Variants in SEPTIN3 observed in about 807,000 individuals in gnomAD.
SEPTIN3 encodes the protein neuronal-specific septin-3.
In SEPTIN3, 15 loss-of-function variants were observed where a neutral mutation model predicts 45.1. That is an observed-to-expected ratio of 0.33 (90% confidence interval 0.22 to 0.51). The LOEUF (loss-of-function observed/expected upper bound fraction) is 0.51, where lower values mean the gene tolerates loss of function less well. Ranked by LOEUF, SEPTIN3 falls within the 20% of genes least tolerant of loss-of-function variation. The pLI is 0.97. For missense variants in SEPTIN3, 289 were observed against 457.2 expected, an observed-to-expected ratio of 0.63 and a Z score of 3.35; for synonymous variants, 148 against 164.8, an observed-to-expected ratio of 0.90 and a Z score of 0.78.
intron 9 of SEPTIN3, 54 bp downstream of exon 9, chr22:41,992,817 C>T: frequency 3.3e-6 from 4 of 1,212,910 alleles, no homozygotes; most frequent in Non-Finnish European, 4.8e-6. Context: ...ATCCAGTCAC[C>T]ATTTATTAAG....
At chr22:41,987,057 T>C in intron 4 of SEPTIN3, 149 bp from the exon 5 acceptor site, 1 of 573,606 alleles carries the variant, frequency 1.7e-6, no homozygotes, top group Non-Finnish European at 3.1e-6. Context: ...GCATAAGCCA[T>C]GATATCGAGA....
At chr22:41,986,245 A>G in intron 4 of SEPTIN3, 133 bp downstream of exon 4, 1 of 1,049,356 alleles carries the variant, frequency 9.5e-7, no homozygotes, top group Non-Finnish European at 1.3e-6. Context: ...TGAGCACTTC[A>G]CTCTGAAGCA....
Position 41,969,464 on chromosome 22 carries a change from TC to T in SEPTIN3, c.-231del, listed in dbSNP as rs2077935309. On this transcript the variant is annotated 5_prime_UTR_variant, in exon 1 of 12. Transcript: ENST00000644076. ...CACCAGAGCCCAGCCCAGCACGGTCTCCGGGGATGTAGCTGGTGGGACAGTG... is the reference window on the plus strand; with the variant it reads ...CACCAGAGCCCAGCCCAGCACGGTCTCGGGGATGTAGCTGGTGGGACAGTG... 6.6e-6 allele frequency: 1 copy of T among 152,070 alleles called. No individual in the cohort carries two copies. Among genetic ancestry groups the T allele is most frequent in the Non-Finnish European group, 1.5e-5 (1 of 68,144 alleles). The allele number at this position is 152,070 out of a possible 1,614,324, so 9.4% of individuals were successfully genotyped here. A position where few individuals can be genotyped will look rare whatever the true frequency, so the allele number is the denominator to read the frequency against.
At chr22:41,985,283 G>A (rs1220503863) in intron 3 of SEPTIN3, among the ~76,000 whole-genome samples, 1 of 152,218 alleles carries the variant, frequency 6.6e-6, no homozygotes, top group African/African-American at 2.4e-5. Context: ...CAGGGGCCCT[G>A]CCTGCCCAGC....
chr22:41,990,334 G>A (rs1446912180), intron 7 of SEPTIN3, among the ~76,000 whole-genome samples: 3 of 151,700 alleles, frequency 2.0e-5, no homozygotes, highest in Non-Finnish European at 2.9e-5. Flanking sequence ...GATTACAGGC[G>A]TGAGCCACCG....
intron 11 of SEPTIN3, 41 bp from the exon 12 acceptor site, chr22:41,996,861 G>T (rs1235210701): frequency 8.7e-6 from 14 of 1,611,610 alleles, no homozygotes; most frequent in Non-Finnish European, 1.2e-5. Context: ...GCTGCCAGCT[G>T]CTGGTCTCCA....
intron 2 of SEPTIN3, among the ~76,000 whole-genome samples, chr22:41,974,633 A>C (rs1419347493): frequency 1.3e-5 from 2 of 150,158 alleles, no homozygotes; most frequent in Non-Finnish European, 3.0e-5. Flanking sequence ...ACTGCAATCC[A>C]GCCTGGGTGA....
At chr22:41,992,792 G>GATCAGCAACCA in intron 9 of SEPTIN3, 29 bp downstream of exon 9, 1 of 1,449,314 alleles carries the variant, frequency 6.9e-7, no homozygotes, top group Non-Finnish European at 9.6e-7. Context: ...TGGAAGAACT[G>GATCAGCAACCA]GTTGCTGATC....
At chr22:41,989,526 G>A (rs1414400169) in intron 6 of SEPTIN3, 41 bp from the exon 7 acceptor site, 1 of 1,372,086 alleles carries the variant, frequency 7.3e-7, no homozygotes, top group Non-Finnish European at 1.0e-6. Context: ...AGTTGGGGAG[G>A]GCAAGGTGGC....
At position 41,997,620 on chromosome 22, in the gene SEPTIN3, C is replaced by G. The variant is rs1270239923; in HGVS notation, c.*653C>G. The stretch of plus-strand genomic sequence containing the variant: ...CCTAAGAAGACATTGCTGGAGTTGA[C>G]TTTCTTCTGTCCAAACAAACAAACA... On this transcript the variant is annotated 3_prime_UTR_variant, in exon 12 of 12. Coordinates refer to ENST00000644076, the MANE Select transcript of SEPTIN3 (RefSeq NM_001363845.2). 6.6e-6 allele frequency: 1 copy of G among 152,366 alleles called. No individual in the cohort carries two copies. Among genetic ancestry groups the G allele is most frequent in the African/African-American group, 2.4e-5 (1 of 41,438 alleles). The allele number at this position is 152,366 out of a possible 1,614,324, so 9.4% of individuals were successfully genotyped here.
chr22:41,976,056 C>T lies in SEPTIN3; in HGVS notation c.1504+3060C>T, dbSNP rs1196815365. 2.0e-5 allele frequency among the ~76,000 whole-genome samples: 3 copies of T among 152,172 alleles called. No homozygotes were observed. The highest frequency in any genetic ancestry group is 7.2e-5 in the African/African-American group (3 of 41,428). Reference sequence around the variant, plus strand: ...TCCACCAGCACCACGCAGCTCTCACCTCTGGAGACCCTCACCTCTGCTGTC... The same window carrying T: ...TCCACCAGCACCACGCAGCTCTCACTTCTGGAGACCCTCACCTCTGCTGTC... On this transcript the variant is annotated intron_variant, in intron 2 of 11. Coordinates refer to ENST00000644076, the MANE Select transcript of SEPTIN3 (RefSeq NM_001363845.2). The surrounding 1 kb of genome is among the most constrained non-coding windows in gnomAD (Gnocchi z 5.8).
At chr22:41,989,912 C>T (rs1480693297) in intron 7 of SEPTIN3, among the ~76,000 whole-genome samples, 1 of 152,166 alleles carries the variant, frequency 6.6e-6, no homozygotes, top group Non-Finnish European at 1.5e-5. Flanking sequence ...TCTTCCCACC[C>T]TCCAAACCTA....
intron 1 of SEPTIN3, among the ~76,000 whole-genome samples, chr22:41,970,160 C>T (rs905992920): frequency 6.6e-6 from 1 of 152,030 alleles, no homozygotes; most frequent in African/African-American, 2.4e-5. Flanking sequence ...CTCCTCCCAC[C>T]AGCCCTGGCC....
At position 41,994,925 on chromosome 22, in the gene SEPTIN3, CAGAG is replaced by C. The variant is rs1320614232; in HGVS notation, c.2505+218_2505+221del. The C allele has an allele frequency of 3.6e-4, 415 of 1,142,194 alleles. 2 individuals carry two copies. The African/African-American group carries it at 3.8e-3, about 10-fold the overall frequency. 70.8% of individuals were successfully genotyped at this position (1,142,194 alleles called of 1,614,324 possible). A position where few individuals can be genotyped will look rare whatever the true frequency, so the allele number is the denominator to read the frequency against. On this transcript the variant is annotated intron_variant, in intron 11 of 11. Coordinates refer to ENST00000644076, the MANE Select transcript of SEPTIN3 (RefSeq NM_001363845.2). The surrounding 1 kb of genome is among the most constrained non-coding windows in gnomAD (Gnocchi z 4.2). Reference sequence around the variant, plus strand: ...TGTGTGTGTGTGTGTGTGTGTGTGACAGAGAGAGAGCGAGAGAGCCTGTGTGTGT... The same window carrying C: ...TGTGTGTGTGTGTGTGTGTGTGTGACAGAGAGCGAGAGAGCCTGTGTGTGT...
At chr22:41,978,675 A>G (rs889300053) in intron 2 of SEPTIN3, among the ~76,000 whole-genome samples, 8 of 152,192 alleles carry the variant, frequency 5.3e-5, no homozygotes, top group African/African-American at 1.9e-4. Context: ...AAGGGCAACA[A>G]CCTTGTCTGG....
intron 7 of SEPTIN3, among the ~76,000 whole-genome samples, chr22:41,991,239 G>T (rs2078311253): frequency 6.6e-6 from 1 of 152,102 alleles, no homozygotes; most frequent in African/African-American, 2.4e-5. Context: ...AACATGCAGG[G>T]GTCTGAGCAC....
intron 9 of SEPTIN3, 87 bp downstream of exon 9, chr22:41,992,850 C>A: frequency 1.1e-6 from 1 of 891,894 alleles, no homozygotes; most frequent in African/African-American, 1.7e-5. Flanking sequence ...AAGGCACTGT[C>A]TCAGGACATA....
chr22:41,981,533 T>C, intron 2 of SEPTIN3, 112 bp from the exon 3 acceptor site: 1 of 900,822 alleles, frequency 1.1e-6, no homozygotes, highest in Non-Finnish European at 1.6e-6. Flanking sequence ...TAAGATCCCT[T>C]CCAGGCCCAA....
chr22:41,973,652 G>A (rs1315445420), intron 2 of SEPTIN3, among the ~76,000 whole-genome samples: 4 of 148,706 alleles, frequency 2.7e-5, no homozygotes, highest in Admixed American at 6.7e-5. Context: ...CAGCCTGGGC[G>A]ACAGAGCGAG....
Sources: gnomAD v4.1 joint callset for allele counts (sites outside exome capture counted in the v4.1 genomes callset) on GRCh38, gnomAD v4.1.1 for gene constraint, Gnocchi (gnomAD v3.1) non-coding constraint, MANE v1.5 for transcripts, NCBI Gene and HGNC (gene_info 2026-07-23, HGNC 2026-07-21) for gene names.